FGGY: variants seen among roughly 807,000 people sequenced by gnomAD.
FGGY encodes the protein FGGY carbohydrate kinase domain containing, also known as FGGY carbohydrate kinase domain-containing protein.
A neutral mutation model predicts 71.3 loss-of-function variants in FGGY; 72 were observed. The observed-to-expected ratio is 1.01, with a 90% confidence interval of 0.84 to 1.23. The LOEUF (loss-of-function observed/expected upper bound fraction) is 1.23. Among genes scored for constraint, FGGY ranks in the 50% most tolerant of loss-of-function variants. The pLI is 0.00. For missense variants in FGGY, 668 were observed against 682.3 expected, an observed-to-expected ratio of 0.98 and a Z score of 0.23; for synonymous variants, 251 against 250.3, an observed-to-expected ratio of 1.00 and a Z score of -0.02.
intron 13 of FGGY, among the ~76,000 whole-genome samples, chr1:59,673,413 G>A (rs1378361377): frequency 6.6e-6 from 1 of 152,170 alleles, no homozygotes; most frequent in Non-Finnish European, 1.5e-5. Context: ...AAGGAGGCCA[G>A]GACTACGTGG....
At chr1:59,422,756 T>A (rs2065680233) in intron 5 of FGGY, among the ~76,000 whole-genome samples, 1 of 151,370 alleles carries the variant, frequency 6.6e-6, no homozygotes, top group South Asian at 2.1e-4. Context: ...AGTTATTATA[T>A]AAGCACTAGG....
chr1:59,588,107 A>G (rs1296534374), intron 8 of FGGY, among the ~76,000 whole-genome samples: 2 of 152,252 alleles, frequency 1.3e-5, no homozygotes, highest in Non-Finnish European at 2.9e-5. Flanking sequence ...AAAGGAGCTG[A>G]TGGAGCTGAA....
chr1:59,432,115 C>A (rs1433490737), intron 5 of FGGY, among the ~76,000 whole-genome samples: 1 of 152,068 alleles, frequency 6.6e-6, no homozygotes, highest in Non-Finnish European at 1.5e-5. Context: ...ATGAATCATC[C>A]CTAAAAATCC....
At chr1:59,424,202 G>GA (rs1344673520) in intron 5 of FGGY, among the ~76,000 whole-genome samples, 2 of 152,254 alleles carry the variant, frequency 1.3e-5, no homozygotes, top group Admixed American at 1.3e-4. Context: ...GGTGCCGCCA[G>GA]AGTGCTTGCA....
At position 59,618,161 on chromosome 1, in the gene FGGY, C is replaced by G. The variant is rs553379351; in HGVS notation, c.1012-7827C>G. Among the ~76,000 whole-genome samples the G allele has an allele frequency of 7.9e-5, 12 of 152,226 alleles. No homozygotes were observed. In the South Asian group the frequency reaches 2.5e-3, roughly 32 times the overall value. On this transcript the variant is annotated intron_variant, in intron 9 of 15. Coordinates refer to ENST00000303721, the MANE Select transcript of FGGY (RefSeq NM_018291.5). ...TCAAATAAGAAAGTTGGATACAGAACTGATCATTATAATTTATTGTAGGAC... is the reference window on the plus strand; with the variant it reads ...TCAAATAAGAAAGTTGGATACAGAAGTGATCATTATAATTTATTGTAGGAC...
chr1:59,696,789 A>ACACTATTAG (rs1238520290), intron 14 of FGGY, among the ~76,000 whole-genome samples: 1 of 152,226 alleles, frequency 6.6e-6, no homozygotes, highest in Non-Finnish European at 1.5e-5. Context: ...AAGAGTGTAG[A>ACACTATTAG]CACTATTAGC....
intron 7 of FGGY, among the ~76,000 whole-genome samples, chr1:59,535,017 A>C (rs1570835793): frequency 6.6e-6 from 1 of 151,928 alleles, no homozygotes. Context: ...AAATGCTCCA[A>C]TTAAAAGACA....
At chr1:59,466,229 A>T (rs2092617035) in intron 6 of FGGY, among the ~76,000 whole-genome samples, 1 of 152,220 alleles carries the variant, frequency 6.6e-6, no homozygotes, top group African/African-American at 2.4e-5. Flanking sequence ...ATCTTTGACA[A>T]ACCTGACAAA....
intron 7 of FGGY, among the ~76,000 whole-genome samples, chr1:59,517,662 C>G (rs568438648): frequency 4.6e-5 from 7 of 152,240 alleles, no homozygotes; most frequent in African/African-American, 1.7e-4. Context: ...CTTGCGCTTG[C>G]AGGTTTGTGT....
intron 8 of FGGY, among the ~76,000 whole-genome samples, chr1:59,554,467 C>T (rs1332333327): frequency 1.3e-5 from 2 of 152,152 alleles, no homozygotes; most frequent in South Asian, 2.1e-4. Flanking sequence ...CTCCCTTTGA[C>T]GTCACCCTGG....
chr1:59,466,012 G>T (rs1231242660), intron 6 of FGGY, among the ~76,000 whole-genome samples: 1 of 152,026 alleles, frequency 6.6e-6, no homozygotes, highest in Non-Finnish European at 1.5e-5. Context: ...CTACTTTAAA[G>T]TTCATATGGA....
chr1:59,405,642 A>C (rs1258496186), intron 5 of FGGY, among the ~76,000 whole-genome samples: 1 of 152,196 alleles, frequency 6.6e-6, no homozygotes, highest in Admixed American at 6.5e-5. Context: ...TGAGTCTATA[A>C]GTCCAGGCTA....
intron 7 of FGGY, among the ~76,000 whole-genome samples, chr1:59,547,778 A>C (rs953818744): frequency 2.6e-5 from 4 of 152,154 alleles, no homozygotes; most frequent in African/African-American, 7.2e-5. Flanking sequence ...AAACCAATCA[A>C]TATTTTTCAC....
chr1:59,619,575 G>T (rs2153833667), intron 9 of FGGY, among the ~76,000 whole-genome samples: 1 of 152,142 alleles, frequency 6.6e-6, no homozygotes, highest in African/African-American at 2.4e-5. Flanking sequence ...AGGGTTGCTT[G>T]CCTGGGGTAT....
chr1:59,309,448 G>A (rs2043922029), intron 1 of FGGY, among the ~76,000 whole-genome samples: 1 of 152,144 alleles, frequency 6.6e-6, no homozygotes, highest in African/African-American at 2.4e-5. Flanking sequence ...TTGAGGTTAG[G>A]GAGAGAGGCA....
intron 6 of FGGY, among the ~76,000 whole-genome samples, chr1:59,468,491 A>G (rs919480010): frequency 2.6e-5 from 4 of 152,196 alleles, no homozygotes; most frequent in African/African-American, 9.7e-5. Flanking sequence ...AAGGTTGGGC[A>G]TTTCACTTTT....
chr1:59,639,353 C>T (rs778216343), intron 11 of FGGY, among the ~76,000 whole-genome samples: 31 of 152,142 alleles, frequency 2.0e-4, no homozygotes, highest in Non-Finnish European at 4.0e-4. Context: ...ACCTAGTTGA[C>T]ATGATCAACT....
intron 6 of FGGY, among the ~76,000 whole-genome samples, chr1:59,470,392 T>G (rs2092880603): frequency 6.6e-6 from 1 of 152,176 alleles, no homozygotes; most frequent in African/African-American, 2.4e-5. Context: ...CAATATGACT[T>G]CTGAAGGGGA....
At chr1:59,346,944 A>ATTCT (rs1553153674) in intron 4 of FGGY, among the ~76,000 whole-genome samples, 2 of 120,450 alleles carry the variant, frequency 1.7e-5, no homozygotes, top group African/African-American at 7.9e-5. Context: ...TCCAAAATCA[A>ATTCT]TTCTTTTTTT....
Sources: allele counts gnomAD v4.1 joint callset (sites outside exome capture counted in the v4.1 genomes callset), GRCh38; gene constraint gnomAD v4.1.1; transcripts MANE v1.5; gene names NCBI Gene and HGNC (gene_info 2026-07-23, HGNC 2026-07-21).